DLGAP2: variants seen among roughly 807,000 people sequenced by gnomAD.
DLGAP2 encodes the protein DLG associated protein 2, also known as disks large-associated protein 2.
Under a neutral mutation model 100.3 loss-of-function variants are expected in DLGAP2, and 26 were observed. The ratio of observed to expected loss-of-function variants is 0.26; its 90% CI spans 0.19 to 0.36. The LOEUF is 0.36. DLGAP2 is among the 10% of genes least tolerant of loss of function. The pLI, the probability that DLGAP2 is intolerant of heterozygous loss-of-function variation, is 1.00. For missense variants in DLGAP2, 1,858 were observed against 1,453.2 expected (o/e 1.28, Z -4.53); for synonymous variants, 886 against 630.1 (o/e 1.41, Z -6.08).
At chr8:1,689,262 G>A (rs372894273) in intron 12 of DLGAP2, among the ~76,000 whole-genome samples, 53 of 152,254 alleles carry the variant, frequency 3.5e-4, no homozygotes, top group South Asian at 8.3e-4. Context: ...GGCCCGACCC[G>A]GACCCCGTGA....
At chr8:1,300,220 A>G (rs1313824477) in intron 3 of DLGAP2, 1 of 152,042 alleles carries the variant, frequency 6.6e-6, no homozygotes, top group East Asian at 1.9e-4. Context: ...TCTGTGTGCA[A>G]AGTGTGCATA....
rs139627494 is a variant in DLGAP2, at chr8:1,365,425, A to T, written c.106+106542A>T. Among the ~76,000 whole-genome samples, 796 of 152,072 alleles carry T rather than the reference A, an allele frequency of 5.2e-3. 7 individuals carry two copies. The highest frequency in any genetic ancestry group is 0.018 in the African/African-American group (743 of 41,496). On this transcript the variant is annotated intron_variant, in intron 3 of 14. Transcript: ENST00000637795. ...CTCTCCTCTCCAACCGTGGAGGGGG[A>T]AGGGGCAGATGGAGCTCACTGGAAT... is the stretch of plus-strand genomic sequence containing the variant.
chr8:753,150 G>T (rs1392615723), intron 1 of DLGAP2, among the ~76,000 whole-genome samples: 1 of 152,260 alleles, frequency 6.6e-6, no homozygotes, highest in Non-Finnish European at 1.5e-5. Context: ...TTACTGGTGG[G>T]ACGCAGACCT....
intron 2 of DLGAP2, among the ~76,000 whole-genome samples, chr8:946,864 G>A (rs1799338669): frequency 6.6e-6 from 1 of 152,206 alleles, no homozygotes; most frequent in Non-Finnish European, 1.5e-5. Context: ...CCTGACGGTG[G>A]CTGCCAGCAG....
chr8:1,374,146 GTAGT>G (rs1389062802), intron 3 of DLGAP2, among the ~76,000 whole-genome samples: 15 of 150,760 alleles, frequency 9.9e-5, no homozygotes, highest in African/African-American at 3.5e-4. Context: ...AGAGGGCTGT[GTAGT>G]GTGGAGGTTA....
intron 12 of DLGAP2, among the ~76,000 whole-genome samples, chr8:1,687,902 A>G (rs376022942): frequency 3.3e-5 from 5 of 152,340 alleles, no homozygotes; most frequent in Non-Finnish European, 7.3e-5. Context: ...CCCTTTAAAT[A>G]TCTTCATTAA....
At chr8:1,330,424 G>A (rs191803882) in intron 3 of DLGAP2, among the ~76,000 whole-genome samples, 510 of 114,658 alleles carry the variant, frequency 4.4e-3, no homozygotes, top group Non-Finnish European at 5.8e-3. Context: ...GCACCGCTTC[G>A]CGGGGACTGA....
At chr8:1,254,648 G>GT (rs1434281814) in intron 2 of DLGAP2, among the ~76,000 whole-genome samples, 1 of 152,024 alleles carries the variant, frequency 6.6e-6, no homozygotes, top group Non-Finnish European at 1.5e-5. Flanking sequence ...ATTTAAAGCA[G>GT]TTTTTTGTCT....
intron 1 of DLGAP2, among the ~76,000 whole-genome samples, chr8:807,094 A>G (rs1266961958): frequency 6.6e-6 from 1 of 152,204 alleles, no homozygotes; most frequent in Admixed American, 6.5e-5. Flanking sequence ...TCTGCCACGC[A>G]CTTCTGTATT....
intron 2 of DLGAP2, among the ~76,000 whole-genome samples, chr8:1,119,487 C>T (rs1359729243): frequency 6.6e-6 from 1 of 152,142 alleles, no homozygotes; most frequent in Non-Finnish European, 1.5e-5. Context: ...AGCACAAGGC[C>T]CATTGCTTCT....
At chr8:1,185,771 C>T (rs11993162) in intron 2 of DLGAP2, among the ~76,000 whole-genome samples, 2,902 of 151,762 alleles carry the variant, frequency 0.019, 104 homozygotes, top group African/African-American at 0.066. Context: ...GAGATCCAGT[C>T]AGCAGTGCAG....
intron 3 of DLGAP2, among the ~76,000 whole-genome samples, chr8:1,386,810 G>C (rs1176559804): frequency 6.6e-6 from 1 of 152,106 alleles, no homozygotes; most frequent in Non-Finnish European, 1.5e-5. Flanking sequence ...ATTGATTTTT[G>C]AATGGGTTTT....
intron 2 of DLGAP2, among the ~76,000 whole-genome samples, chr8:1,209,640 T>C (rs1798063717): frequency 6.6e-6 from 1 of 152,262 alleles, no homozygotes; most frequent in African/African-American, 2.4e-5. Context: ...TCTTAGGTGA[T>C]GTCATGAGAG....
At chr8:1,495,179 G>A (rs774337988) in intron 3 of DLGAP2, among the ~76,000 whole-genome samples, 10 of 152,158 alleles carry the variant, frequency 6.6e-5, no homozygotes, top group East Asian at 3.9e-4. Flanking sequence ...TCATCGTGTC[G>A]TCTTCCAGGC....
At chr8:1,067,896 C>T (rs1225554494) in intron 2 of DLGAP2, among the ~76,000 whole-genome samples, 1 of 152,062 alleles carries the variant, frequency 6.6e-6, no homozygotes, top group East Asian at 1.9e-4. Context: ...GACACACCCC[C>T]CCATTACAGC....
At chr8:1,076,933 A>G in intron 2 of DLGAP2, among the ~76,000 whole-genome samples, 1 of 104,176 alleles carries the variant, frequency 9.6e-6, no homozygotes, top group East Asian at 3.2e-4. Context: ...GAGGAGGAGG[A>G]GTCTGTCCCG....
At chr8:1,510,294 T>A (rs1186618037) in intron 4 of DLGAP2, among the ~76,000 whole-genome samples, 3 of 152,200 alleles carry the variant, frequency 2.0e-5, no homozygotes, top group African/African-American at 7.2e-5. Flanking sequence ...AAGTGTGGCT[T>A]CCAGGCTCAT....
chr8:1,571,934 C>A (rs1341033054), intron 6 of DLGAP2, among the ~76,000 whole-genome samples: 22 of 74,324 alleles, frequency 3.0e-4, no homozygotes, highest in East Asian at 1.3e-3. Flanking sequence ...GGGGCGTCTG[C>A]TGGGATGGAG....
chr8:1,673,820 A>C (rs968204709), intron 10 of DLGAP2, among the ~76,000 whole-genome samples: 2 of 152,214 alleles, frequency 1.3e-5, no homozygotes, highest in Non-Finnish European at 2.9e-5. Flanking sequence ...TATTTTTCAA[A>C]TTCACTATAA....
Sources: gnomAD v4.1 joint callset for allele counts (sites outside exome capture counted in the v4.1 genomes callset) on GRCh38, gnomAD v4.1.1 for gene constraint, MANE v1.5 for transcripts, NCBI Gene and HGNC (gene_info 2026-07-23, HGNC 2026-07-21) for gene names.